ZNF91: variants seen among roughly 807,000 people sequenced by gnomAD.
ZNF91 encodes zinc finger protein 91 (HPF7, HTF10).
A neutral mutation model predicts 12.6 loss-of-function variants in ZNF91; 7 were observed. The observed-to-expected ratio is 0.55, with a 90% CI of 0.31 to 1.04. The LOEUF is 1.04. ZNF91 is among the 50% of genes least tolerant of loss of function. ZNF91 has a pLI of 0.05. For synonymous variants in ZNF91, 453 were observed against 462.6 expected, an observed-to-expected ratio of 0.98 and a Z score of 0.27; for missense variants, 1,217 against 1,385.4, an observed-to-expected ratio of 0.88 and a Z score of 1.93.
intron 1 of ZNF91, among the ~76,000 whole-genome samples, chr19:23,387,363 T>C (rs1365092368): frequency 1.3e-5 from 2 of 152,218 alleles, no homozygotes; most frequent in Non-Finnish European, 2.9e-5. Context: ...TGCAGCACTA[T>C]TCACAATAGC....
At chr19:23,376,037 T>TA (rs1969493855) in intron 1 of ZNF91, among the ~76,000 whole-genome samples, 1 of 152,200 alleles carries the variant, frequency 6.6e-6, no homozygotes, top group African/African-American at 2.4e-5. Context: ...TTTAACACCC[T>TA]AATAAGCAGC....
intron 1 of ZNF91, among the ~76,000 whole-genome samples, chr19:23,382,895 G>C (rs1329062905): frequency 1.3e-5 from 2 of 152,294 alleles, no homozygotes; most frequent in East Asian, 3.9e-4. Context: ...CCAAGGACCA[G>C]ACATTCACAG....
intron 1 of ZNF91, among the ~76,000 whole-genome samples, chr19:23,382,215 T>C (rs1369601185): frequency 6.6e-6 from 1 of 152,224 alleles, no homozygotes; most frequent in African/African-American, 2.4e-5. Context: ...AAGCCTCTTA[T>C]TTCTAATTTA....
intron 1 of ZNF91, among the ~76,000 whole-genome samples, chr19:23,317,694 G>A (rs903453939): frequency 6.6e-6 from 1 of 152,144 alleles, no homozygotes; most frequent in Non-Finnish European, 1.5e-5. Flanking sequence ...ACTCTTATAT[G>A]TGGATCCAGT....
At chr19:23,327,418 C>T (rs1967857460) in intron 1 of ZNF91, 1 of 151,960 alleles carries the variant, frequency 6.6e-6, no homozygotes, top group African/African-American at 2.4e-5. Flanking sequence ...TGTTCTGAAA[C>T]ACGAGGTGAA....
chr19:23,390,688 G>C (rs1970036109), intron 1 of ZNF91, among the ~76,000 whole-genome samples: 2 of 152,018 alleles, frequency 1.3e-5, no homozygotes, highest in Non-Finnish European at 2.9e-5. Flanking sequence ...AGCTGTCCAA[G>C]TAGCTCTGAC....
At chr19:23,385,226 C>G in intron 1 of ZNF91, 1 of 591,760 alleles carries the variant, frequency 1.7e-6, no homozygotes, top group East Asian at 2.7e-5. Flanking sequence ...TCCCTCCTCC[C>G]CCTGCAGCTT....
At chr19:23,332,683 T>A in intron 1 of ZNF91, among the ~76,000 whole-genome samples, 1 of 152,162 alleles carries the variant, frequency 6.6e-6, no homozygotes, top group East Asian at 1.9e-4. Flanking sequence ...AATCACAGCT[T>A]ACCTAGTCAA....
chr19:23,394,046 C>A (rs547846685), intron 1 of ZNF91, among the ~76,000 whole-genome samples: 6 of 152,142 alleles, frequency 3.9e-5, no homozygotes, highest in African/African-American at 1.4e-4. Flanking sequence ...ATGTACACTA[C>A]AGGACAAATA....
Position 23,359,181 on chromosome 19 carries a change from G to A in ZNF91, c.*222C>T, listed in dbSNP as rs1357805191. 11 of 501,424 alleles carry A rather than the reference G, an allele frequency of 2.2e-5. No individual in the cohort carries two copies. In the Admixed American group the frequency reaches 3.5e-4, roughly 16 times the overall value. The allele number at this position is 501,424 out of a possible 1,614,324, so 31.1% of individuals were successfully genotyped here. A position where few individuals can be genotyped will look rare whatever the true frequency, so the allele number is the denominator to read the frequency against. On this transcript the variant is annotated 3_prime_UTR_variant, in exon 4 of 4. Coordinates refer to ENST00000300619, the MANE Select transcript of ZNF91 (RefSeq NM_003430.4). ...AGGTTGAAGACCGGTTAAAAGATTT[G>A]CCACATTCTTTATATTTGTAGGGTT...
intron 1 of ZNF91, among the ~76,000 whole-genome samples, chr19:23,319,359 T>C (rs1408531583): frequency 6.6e-6 from 1 of 152,236 alleles, no homozygotes; most frequent in Non-Finnish European, 1.5e-5. Flanking sequence ...TACCTTTTTG[T>C]TTATCACCTG....
At chr19:23,387,656 T>G (rs1969916480) in intron 1 of ZNF91, among the ~76,000 whole-genome samples, 1 of 151,582 alleles carries the variant, frequency 6.6e-6, no homozygotes, top group Non-Finnish European at 1.5e-5. Context: ...AGAGTATTGC[T>G]TGGCCCACCA....
downstream of ZNF91, among the ~76,000 whole-genome samples, chr19:23,355,621 AG>A (rs1243527887): frequency 6.6e-6 from 1 of 152,226 alleles, no homozygotes; most frequent in Non-Finnish European, 1.5e-5. Flanking sequence ...GTTAAACTAA[AG>A]AGTTTTTGCA....
upstream of ZNF91, among the ~76,000 whole-genome samples, chr19:23,315,017 T>G (rs1967530504): frequency 6.6e-6 from 1 of 152,192 alleles, no homozygotes; most frequent in Admixed American, 6.5e-5. Context: ...TTCATTCTGA[T>G]CTTTACCCAC....
At chr19:23,306,138 T>G (rs1292150595) in intron 3 of ZNF91, among the ~76,000 whole-genome samples, 2 of 152,384 alleles carry the variant, frequency 1.3e-5, no homozygotes, top group East Asian at 3.9e-4. Flanking sequence ...TAATAGGTAC[T>G]GGTACCAATA....
At chr19:23,367,243 G>T (rs1969053374) in intron 3 of ZNF91, among the ~76,000 whole-genome samples, 2 of 152,208 alleles carry the variant, frequency 1.3e-5, no homozygotes, top group South Asian at 4.1e-4. Flanking sequence ...AGTGAGTCAA[G>T]ATTATGCCAA....
chr19:23,340,861 T>C (rs925704230), intron 3 of ZNF91, among the ~76,000 whole-genome samples: 3 of 151,394 alleles, frequency 2.0e-5, no homozygotes, highest in Non-Finnish European at 4.4e-5. Context: ...ATTTGCAAAC[T>C]ACGTGCCAAC....
rs1968745162 is a variant in ZNF91 at position 23,361,243 on chromosome 19, C to A, written c.1736G>T (p.Cys579Phe). The A allele has an allele frequency of 6.2e-7, 1 of 1,613,486 alleles. No homozygotes were observed. The highest frequency in any genetic ancestry group is 1.7e-5 in the Admixed American group (1 of 59,982). The change falls in exon 4 of 4, where the codon TGT becomes TTT. Residue 579 changes from cysteine to phenylalanine, a missense_variant. Cys to Phe is a radical substitution (Grantham distance 205, BLOSUM62 -2). This residue lies in a region of ZNF91 where 726 missense variants were observed against 895.5 expected (regional missense o/e 0.81). Coordinates refer to ENST00000300619, the MANE Select transcript of ZNF91 (RefSeq NM_003430.4). ...TGAGGAATGATTAAAAGCTTTGCCA[C>A]ATTCTTCACATTTGTAGAGTTTCTT... Reference protein sequence around the residue: ...AGKKLYKCEECGKAFNHSSSL... With the variant: ...AGKKLYKCEEFGKAFNHSSSL...
At chr19:23,368,226 G>A (rs1487435196) in intron 3 of ZNF91, among the ~76,000 whole-genome samples, 1 of 152,034 alleles carries the variant, frequency 6.6e-6, no homozygotes, top group East Asian at 1.9e-4. Flanking sequence ...ACACATAGAG[G>A]GGAGGCAGGG....
Sources: gnomAD v4.1 joint callset for allele counts (sites outside exome capture counted in the v4.1 genomes callset) on GRCh38, gnomAD v4.1.1 for gene constraint, gnomAD v4.1.1 regional missense constraint, MANE v1.5 for transcripts, NCBI Gene and HGNC (gene_info 2026-07-23, HGNC 2026-07-21) for gene names.